DNMBP: variants seen among roughly 807,000 people sequenced by gnomAD.
DNMBP encodes the protein dynamin-binding protein.
Under a neutral mutation model 150.0 loss-of-function variants are expected in DNMBP, and 87 were observed. That is an observed-to-expected ratio of 0.58 (90% CI 0.49 to 0.69). The LOEUF is 0.69. Ranked by LOEUF, DNMBP falls within the 30% of genes least tolerant of loss-of-function variation. The probability of loss-of-function intolerance (pLI) is 0.00; values close to 1 mark genes in which losing one functional copy is unlikely to be tolerated. For synonymous variants in DNMBP, 711 were observed against 750.4 expected, an observed-to-expected ratio of 0.95 and a Z score of 0.86; for missense variants, 1,774 against 1,949.0, an observed-to-expected ratio of 0.91 and a Z score of 1.69.
intron 4 of DNMBP, among the ~76,000 whole-genome samples, chr10:99,946,424 A>C (rs750050941): frequency 6.6e-6 from 1 of 152,258 alleles, no homozygotes; most frequent in Non-Finnish European, 1.5e-5. Context: ...CATGTAAACC[A>C]ATGGAACAGA....
intron 1 of DNMBP, among the ~76,000 whole-genome samples, chr10:100,005,510 T>C (rs770324332): frequency 6.6e-6 from 1 of 152,024 alleles, no homozygotes; most frequent in Admixed American, 6.6e-5. Context: ...TCCCAGTACT[T>C]TGGGAGGCCA....
At chr10:99,929,706 T>C in intron 4 of DNMBP, 1 of 702,992 alleles carries the variant, frequency 1.4e-6, no homozygotes. Flanking sequence ...CTCTGGGCCA[T>C]TTAATTTTTT....
chr10:99,898,749 T>C lies in DNMBP; in HGVS notation c.2714A>G (p.Asn905Ser), dbSNP rs1166690435. 12 of 1,613,888 alleles carry C rather than the reference T, an allele frequency of 7.4e-6. No individual in the cohort carries two copies. In the South Asian group the frequency reaches 1.3e-4, roughly 18 times the overall value. The part of the protein sequence containing the change: ...DSLADLKSLY[N>S]EWGCTNYINL... ...AAGCAGCAATGGAACTTACCATTCG[T>C]TGTATAGGCTCCTGCAAGGCAGTGG... The change falls in exon 8 of 17, where the codon AAC becomes AGC. Residue 905 changes from asparagine (N) to serine (S), a missense_variant. Coordinates refer to ENST00000324109, the MANE Select transcript of DNMBP (RefSeq NM_015221.4).
At chr10:99,969,040 A>T in intron 3 of DNMBP, 75 bp downstream of exon 3, 1 of 1,575,166 alleles carries the variant, frequency 6.3e-7, no homozygotes, top group Non-Finnish European at 8.7e-7. Flanking sequence ...CAAATTCAAA[A>T]AGGATCTGGT....
At chr10:99,907,943 C>T (rs1051358945) in intron 6 of DNMBP, 52 bp downstream of exon 6, 5 of 1,390,446 alleles carry the variant, frequency 3.6e-6, no homozygotes, top group African/African-American at 1.4e-5. Flanking sequence ...CTTACTCCTG[C>T]CCATGAAGTT....
In DNMBP at chr10:99,880,210, C is replaced by G; in HGVS notation, c.4149G>C (p.Leu1383=). ...RFPRQNSGST[L]TFNPSSMAVS... ...CAGCCATGCTGCTGGGGTTGAAGGTCAGGGTGCTGCCGCTGTTCTGGCGTG... is the reference window on the plus strand; with the variant it reads ...CAGCCATGCTGCTGGGGTTGAAGGTGAGGGTGCTGCCGCTGTTCTGGCGTG... Residue 1383 remains leucine (L), a synonymous_variant, in exon 16 of 17, where the codon CTG becomes CTC. Coordinates refer to ENST00000324109, the MANE Select transcript of DNMBP (RefSeq NM_015221.4). 2 of 1,614,122 alleles carry G rather than the reference C, an allele frequency of 1.2e-6. No individual in the cohort carries two copies. The highest frequency in any genetic ancestry group is 1.7e-6 in the Non-Finnish European group (2 of 1,180,018).
intron 2 of DNMBP, among the ~76,000 whole-genome samples, chr10:99,971,546 A>G (rs1400374583): frequency 6.6e-6 from 1 of 151,032 alleles, no homozygotes; most frequent in Non-Finnish European, 1.5e-5. Flanking sequence ...TTAGAGACAG[A>G]GTTTCACTCT....
chr10:99,920,037 AG>A (rs1179988750), intron 4 of DNMBP, among the ~76,000 whole-genome samples: 1 of 152,198 alleles, frequency 6.6e-6, no homozygotes, highest in Non-Finnish European at 1.5e-5. Flanking sequence ...TTTATTTAAA[AG>A]GGTGAACCTA....
intron 4 of DNMBP, chr10:99,930,545 C>G: frequency 1.4e-6 from 1 of 703,000 alleles, no homozygotes; most frequent in Non-Finnish European, 2.6e-6. Context: ...TTGGTTCACT[C>G]TGTTCAAAAT....
chr10:99,955,269 G>A lies in DNMBP; in HGVS notation c.2205C>T (p.Leu735=). 9 of 1,614,010 alleles carry A rather than the reference G, an allele frequency of 5.6e-6. No individual in the cohort carries two copies. The highest frequency in any genetic ancestry group is 7.6e-6 in the Non-Finnish European group (9 of 1,179,996). ...ESSRAETLED[L]KFCESNIESL... ...TTTCAATGTTACTTTCACAGAACTT[G>A]AGATCCTCGAGGGTCTCTGCTCTTG... Residue 735 remains leucine, a synonymous_variant, in exon 4 of 17, where the codon CTC becomes CTT. Transcript: ENST00000324109.
intron 4 of DNMBP, among the ~76,000 whole-genome samples, chr10:99,928,838 T>TAA (rs58787297): frequency 3.4e-5 from 5 of 145,958 alleles, no homozygotes; most frequent in Admixed American, 1.4e-4. Flanking sequence ...AAAGGAGCGG[T>TAA]AAAAAAAAAA....
chr10:99,968,639 G>A (rs1405649035), intron 3 of DNMBP, among the ~76,000 whole-genome samples: 1 of 148,334 alleles, frequency 6.7e-6, no homozygotes, highest in Non-Finnish European at 1.5e-5. Context: ...AGTGAGCTGA[G>A]ATCGCACCAC....
intron 4 of DNMBP, chr10:99,914,031 T>A (rs1178237409): frequency 6.6e-7 from 1 of 1,506,268 alleles, no homozygotes; most frequent in East Asian, 2.6e-5. Context: ...CCCAGAGCTC[T>A]GGAATGCTCC....
intron 4 of DNMBP, among the ~76,000 whole-genome samples, chr10:99,948,985 T>C (rs977479237): frequency 2.0e-5 from 3 of 149,890 alleles, no homozygotes; most frequent in Admixed American, 1.3e-4. Flanking sequence ...AATAAATAAA[T>C]AAATAAATAA....
chr10:99,971,772 C>T (rs370225022), intron 2 of DNMBP, among the ~76,000 whole-genome samples: 1 of 152,096 alleles, frequency 6.6e-6, no homozygotes, highest in Admixed American at 6.6e-5. Context: ...AGGGGATCCA[C>T]CCACCTCAGC....
chr10:99,985,006 G>C (rs9645566), intron 1 of DNMBP, among the ~76,000 whole-genome samples: 2,512 of 152,268 alleles, frequency 0.016, 22 homozygotes, highest in Non-Finnish European at 0.025. Flanking sequence ...CTTCTCAAAA[G>C]TGCTGGGATT....
chr10:99,976,595 T>C (rs909480071), intron 1 of DNMBP, among the ~76,000 whole-genome samples: 1 of 152,174 alleles, frequency 6.6e-6, no homozygotes, highest in African/African-American at 2.4e-5. Context: ...TAAATAAAAG[T>C]AAACAAGCTC....
rs577916540 is a variant in DNMBP, at chr10:99,926,657, A to G, written c.2261-17511T>C. Among the ~76,000 whole-genome samples, 3 of 152,310 alleles carry G rather than the reference A, an allele frequency of 2.0e-5. No individual in the cohort carries two copies. In the East Asian group the frequency reaches 5.8e-4, roughly 29 times the overall value. On this transcript the variant is annotated intron_variant, in intron 4 of 16. Coordinates refer to ENST00000324109, the MANE Select transcript of DNMBP (RefSeq NM_015221.4). The stretch of plus-strand genomic sequence containing the variant: ...GTTCCAGTCTGGGGGCTCTGAAGAC[A>G]TTAGCTATTAAGGGGGAAATCCTGG...
Position 99,974,112 on chromosome 10 carries a change from G to A in DNMBP, c.-10-1978C>T, listed in dbSNP as rs927805751. ...AAGACCAACGTGGGCAACACAGCAC[G>A]ACTTCACCTCTATTTTATAAAAAAA... On this transcript the variant is annotated intron_variant, in intron 1 of 16. Transcript: ENST00000324109. 4.6e-5 allele frequency among the ~76,000 whole-genome samples: 7 copies of A among 152,028 alleles called. No homozygotes were observed. The East Asian group carries it at 7.7e-4, about 17-fold the overall frequency.
Sources: allele counts gnomAD v4.1 joint callset (sites outside exome capture counted in the v4.1 genomes callset), GRCh38; gene constraint gnomAD v4.1.1; transcripts MANE v1.5; gene names NCBI Gene and HGNC (gene_info 2026-07-23, HGNC 2026-07-21).